The following CCDC39 variants were observed in gnomAD, a reference collection of about 807,000 sequenced individuals.
CCDC39 encodes the protein coiled-coil domain-containing protein 39.
A neutral mutation model predicts 121.0 loss-of-function variants in CCDC39; 113 were observed. That is an observed-to-expected ratio of 0.93 (90% CI 0.80 to 1.09). CCDC39 has a LOEUF of 1.09. CCDC39 is among the 50% of genes least tolerant of loss of function. The pLI is 0.00. For missense variants in CCDC39, 1,063 were observed against 1,074.7 expected, an observed-to-expected ratio of 0.99 and a Z score of 0.15; for synonymous variants, 349 against 352.2, an observed-to-expected ratio of 0.99 and a Z score of 0.10.
intron 13 of CCDC39, among the ~76,000 whole-genome samples, chr3:180,631,900 G>C (rs992825201): frequency 6.6e-6 from 1 of 152,174 alleles, no homozygotes; most frequent in Non-Finnish European, 1.5e-5. Context: ...CAGTTTCATT[G>C]TGTCTTTTGC....
At chr3:180,650,433 G>T (rs1718172467) in intron 9 of CCDC39, among the ~76,000 whole-genome samples, 1 of 152,278 alleles carries the variant, frequency 6.6e-6, no homozygotes, top group Non-Finnish European at 1.5e-5. Context: ...GTAGAAATCA[G>T]TTGTAAAACA....
chr3:180,640,343 T>G (rs890809639), intron 13 of CCDC39, among the ~76,000 whole-genome samples: 1 of 151,676 alleles, frequency 6.6e-6, no homozygotes, highest in East Asian at 2.0e-4. Flanking sequence ...ACTTAGAGGG[T>G]TTTTTTTACT....
chr3:180,630,683 A>G (rs1384983863), intron 14 of CCDC39, among the ~76,000 whole-genome samples: 2 of 152,224 alleles, frequency 1.3e-5, no homozygotes, highest in African/African-American at 4.8e-5. Context: ...GGAAAGATGA[A>G]TATAGCAGTG....
chr3:180,643,960 C>A (rs1167212950), intron 12 of CCDC39, among the ~76,000 whole-genome samples, 160 bp downstream of exon 12: 2 of 152,050 alleles, frequency 1.3e-5, no homozygotes, highest in African/African-American at 2.4e-5. Flanking sequence ...AATTTCTTTA[C>A]AAGACTGGAG....
chr3:180,670,054 C>T (rs1275111783), intron 1 of CCDC39, among the ~76,000 whole-genome samples: 3 of 151,890 alleles, frequency 2.0e-5, no homozygotes, highest in African/African-American at 4.8e-5. Context: ...ACGAATCGAT[C>T]GTTCTTATGG....
chr3:180,659,698 A>C lies in CCDC39; in HGVS notation c.588T>G (p.Leu196=), dbSNP rs774527897. The C allele has an allele frequency of 1.1e-5, 18 of 1,611,756 alleles. No individual in the cohort carries two copies. Among genetic ancestry groups the C allele is most frequent in the Non-Finnish European group, 1.4e-5 (17 of 1,179,142 alleles). Residue 196 remains leucine (L), a synonymous_variant, in exon 5 of 20, where the codon CTT becomes CTG. Coordinates refer to ENST00000476379, the MANE Select transcript of CCDC39 (RefSeq NM_181426.2). ...NQKRKILDNE[L]TETISAQLEL... ...TAACCTGTGCGCTTATAGTCTCTGT[A>C]AGTTCGTTGTCAAGTATCTTTCTTT...
chr3:180,643,179 T>G (rs1468760081), intron 12 of CCDC39, among the ~76,000 whole-genome samples: 3 of 152,058 alleles, frequency 2.0e-5, no homozygotes, highest in Non-Finnish European at 4.4e-5. Context: ...CAGGATGGTC[T>G]CGATCTCCTG....
At chr3:180,678,563 T>C (rs906319352) in intron 1 of CCDC39, among the ~76,000 whole-genome samples, 2 of 152,026 alleles carry the variant, frequency 1.3e-5, no homozygotes, top group African/African-American at 2.4e-5. Context: ...CGCTTTGTTG[T>C]TCAAGCTTGT....
At position 180,673,884 on chromosome 3, in the gene CCDC39, T is replaced by A. The variant is rs186887570; in HGVS notation, c.90+5407A>T. ...AGCTGATGCTTTAAGATGTATAAAC[T>A]TAAAGCAGGCAATGCAAGGAAGTAG... On this transcript the variant is annotated intron_variant, in intron 1 of 19. Coordinates refer to ENST00000476379, the MANE Select transcript of CCDC39 (RefSeq NM_181426.2). Among the ~76,000 whole-genome samples, 246 of 150,986 alleles carry A rather than the reference T, an allele frequency of 1.6e-3. 1 individual carries two copies. Among genetic ancestry groups the A allele is most frequent in the Non-Finnish European group, 1.5e-3 (103 of 67,826 alleles).
intron 13 of CCDC39, among the ~76,000 whole-genome samples, chr3:180,634,263 T>C (rs1717775056): frequency 1.3e-5 from 2 of 151,488 alleles, no homozygotes; most frequent in Non-Finnish European, 2.9e-5. Flanking sequence ...GCAGTGGTAC[T>C]ACCCCAGCTA....
At chr3:180,662,034 G>T (rs554696833) in intron 2 of CCDC39, 27 bp from the exon 3 acceptor site, 5 of 1,510,078 alleles carry the variant, frequency 3.3e-6, no homozygotes, top group South Asian at 2.7e-5. Flanking sequence ...AAGATAAAAA[G>T]GCTTTTAAAA....
At position 180,616,960 on chromosome 3, in the gene CCDC39, C is replaced by T. The variant is rs1296058467; in HGVS notation, c.2272G>A (p.Glu758Lys). 7.3e-7 allele frequency: 1 copy of T among 1,368,206 alleles called. No homozygotes were observed. The highest frequency in any genetic ancestry group is 1.0e-6 in the Non-Finnish European group (1 of 1,002,834). The allele number at this position is 1,368,206 out of a possible 1,614,324, so 84.8% of individuals were successfully genotyped here. The part of the protein sequence containing the change: ...RELQEDIQSM[E>K]NTLDVIEHLA... ...TGTTCTATAACATCTAATGTATTTT[C>T]CATGCTCTGTAGAAAAAATATTAAC... The change falls in exon 17 of 20, where the codon GAA becomes AAA. Residue 758 changes from glutamate to lysine, a missense_variant. Physicochemically the swap from Glu to Lys is moderately conservative, Grantham distance 56. Transcript: ENST00000476379.
At chr3:180,674,455 T>C (rs536898254) in intron 1 of CCDC39, among the ~76,000 whole-genome samples, 2 of 152,326 alleles carry the variant, frequency 1.3e-5, no homozygotes, top group South Asian at 2.1e-4. Context: ...CTTTTCCTAA[T>C]TGAATACCCT....
chr3:180,644,497 C>G (rs910194354), intron 11 of CCDC39, among the ~76,000 whole-genome samples: 2 of 152,046 alleles, frequency 1.3e-5, no homozygotes, highest in Non-Finnish European at 2.9e-5. Context: ...TTCAGTAATT[C>G]TAGGCAATAC....
rs998473653 is a variant in CCDC39, at chr3:180,654,811, C to A, written c.881G>T (p.Arg294Ile). 1 of 1,611,026 alleles carries A rather than the reference C, an allele frequency of 6.2e-7. No individual in the cohort carries two copies. The highest frequency in any genetic ancestry group is 8.5e-7 in the Non-Finnish European group (1 of 1,178,660). Residue 294 changes from arginine (R) to isoleucine (I), a missense_variant, in exon 7 of 20, where the codon AGA becomes ATA. Coordinates refer to ENST00000476379, the MANE Select transcript of CCDC39 (RefSeq NM_181426.2). The part of the protein sequence containing the change: ...SVADRKLLKC[R>I]TAYQDHETSR... Reference sequence around the variant, plus strand: ...AGTTTCATGGTCCTGATATGCCGTTCTACATTTTAAAAGTTTACGATCAGC... The same window carrying A: ...AGTTTCATGGTCCTGATATGCCGTTATACATTTTAAAAGTTTACGATCAGC...
intron 1 of CCDC39, among the ~76,000 whole-genome samples, chr3:180,669,184 T>C (rs1402658213): frequency 1.3e-5 from 2 of 152,280 alleles, no homozygotes; most frequent in Middle Eastern, 3.4e-3. Context: ...GATATGCTTC[T>C]GGATGTCTGG....
intron 1 of CCDC39, among the ~76,000 whole-genome samples, chr3:180,673,352 T>C (rs942387523): frequency 3.9e-4 from 60 of 152,228 alleles, no homozygotes; most frequent in Non-Finnish European, 7.1e-4. Flanking sequence ...TGTTCTCTTA[T>C]TTTTAAAAAT....
intron 1 of CCDC39, among the ~76,000 whole-genome samples, chr3:180,672,225 T>A (rs1320438126): frequency 2.6e-5 from 4 of 152,154 alleles, no homozygotes; most frequent in African/African-American, 9.7e-5. Context: ...CTGGATGACA[T>A]GTCTGTTTAC....
intron 17 of CCDC39, 59 bp from the exon 18 acceptor site, chr3:180,616,754 T>C: frequency 6.3e-7 from 1 of 1,577,094 alleles, no homozygotes; most frequent in Non-Finnish European, 8.6e-7. Context: ...TTAATATTTT[T>C]AATAGATGAA....
Sources: gnomAD v4.1 joint callset for allele counts (sites outside exome capture counted in the v4.1 genomes callset) on GRCh38, gnomAD v4.1.1 for gene constraint, MANE v1.5 for transcripts, NCBI Gene and HGNC (gene_info 2026-07-23, HGNC 2026-07-21) for gene names.